CYYR1: variants seen among roughly 807,000 people sequenced by gnomAD.
CYYR1 encodes the protein cysteine and tyrosine-rich protein 1.
CYYR1 carries 14 observed loss-of-function variants against 15.2 expected under a neutral mutation model. The observed-to-expected ratio is 0.92, with a 90% CI of 0.61 to 1.44. The LOEUF (loss-of-function observed/expected upper bound fraction) is 1.44. Among genes scored for constraint, CYYR1 ranks in the 40% most tolerant of loss-of-function variants. CYYR1 has a pLI of 0.00. For missense variants in CYYR1, 228 were observed against 209.5 expected (o/e 1.09, Z -0.54); for synonymous variants, 80 against 77.4 (o/e 1.03, Z -0.18).
At chr21:26,471,125 C>G (rs917067306) in intron 3 of CYYR1, 2 of 152,104 alleles carry the variant, frequency 1.3e-5, no homozygotes, top group East Asian at 3.9e-4. Context: ...ACCCACGCCT[C>G]GACTTCATTA....
At chr21:26,478,808 G>A (rs2123393316) in intron 3 of CYYR1, among the ~76,000 whole-genome samples, 1 of 152,216 alleles carries the variant, frequency 6.6e-6, no homozygotes, top group Non-Finnish European at 1.5e-5. Flanking sequence ...ACTGTGAGAA[G>A]TAGTCAAAAT....
chr21:26,505,574 A>G (rs959987538), intron 2 of CYYR1, among the ~76,000 whole-genome samples: 2 of 152,248 alleles, frequency 1.3e-5, no homozygotes, highest in Non-Finnish European at 2.9e-5. Flanking sequence ...GTACATAACC[A>G]GAGTGCCTGG....
At chr21:26,517,298 T>C (rs1264961345) in intron 2 of CYYR1, among the ~76,000 whole-genome samples, 4 of 152,148 alleles carry the variant, frequency 2.6e-5, no homozygotes, top group African/African-American at 9.7e-5. Flanking sequence ...ATTGTTTACT[T>C]CATATTATTA....
chr21:26,514,302 G>T (rs2065691135), intron 2 of CYYR1, among the ~76,000 whole-genome samples: 1 of 152,128 alleles, frequency 6.6e-6, no homozygotes, highest in Admixed American at 6.5e-5. Context: ...GAGGTGTTTT[G>T]GTTGTGGGGG....
chr21:26,530,850 T>A (rs1162681821), intron 2 of CYYR1, among the ~76,000 whole-genome samples: 1 of 152,194 alleles, frequency 6.6e-6, no homozygotes, highest in East Asian at 1.9e-4. Flanking sequence ...ATTTTCTTTA[T>A]CCAGTCTATC....
At chr21:26,524,416 A>G (rs2065838566) in intron 2 of CYYR1, among the ~76,000 whole-genome samples, 1 of 152,218 alleles carries the variant, frequency 6.6e-6, no homozygotes, top group Non-Finnish European at 1.5e-5. Flanking sequence ...CGCTCCAATC[A>G]AAGTTGATGT....
chr21:26,495,005 T>C (rs117836053), intron 2 of CYYR1, among the ~76,000 whole-genome samples: 2,523 of 152,276 alleles, frequency 0.017, 40 homozygotes, highest in South Asian at 0.04. Context: ...TTCTGTTTCA[T>C]GTACCAGGAC....
At chr21:26,508,317 A>G (rs17002241) in intron 2 of CYYR1, among the ~76,000 whole-genome samples, 3,438 of 152,264 alleles carry the variant, frequency 0.023, 53 homozygotes, top group African/African-American at 0.038. Context: ...ACATTCTTGC[A>G]GAAAGGAGAG....
intron 1 of CYYR1, chr21:26,569,292 A>G (rs1980860449): frequency 6.6e-6 from 1 of 152,214 alleles, no homozygotes; most frequent in Non-Finnish European, 1.5e-5. Flanking sequence ...TTGCAGCAAC[A>G]TGGATGAAAC....
intron 2 of CYYR1, among the ~76,000 whole-genome samples, chr21:26,488,713 T>C (rs1346556400): frequency 6.6e-6 from 1 of 152,200 alleles, no homozygotes; most frequent in East Asian, 1.9e-4. Context: ...CCATTTTCTG[T>C]CTTACCTTCC....
rs918584637 is a variant in CYYR1 at position 26,506,048 on chromosome 21, C to T, written c.177-25619G>A. Reference sequence around the variant, plus strand: ...ATATGCCCATGGAACCATGACCACACCAACATATAGCATGCATCCGTCATC... The same window carrying T: ...ATATGCCCATGGAACCATGACCACATCAACATATAGCATGCATCCGTCATC... On this transcript the variant is annotated intron_variant, in intron 2 of 3. Coordinates refer to ENST00000652641, the MANE Select transcript of CYYR1 (RefSeq NM_001320768.2). Among the ~76,000 whole-genome samples, 3 of 152,078 alleles carry T rather than the reference C, an allele frequency of 2.0e-5. No homozygotes were observed. In the East Asian group the frequency reaches 5.8e-4, roughly 29 times the overall value.
At chr21:26,569,168 G>C (rs1980849540) in intron 1 of CYYR1, 1 of 152,020 alleles carries the variant, frequency 6.6e-6, no homozygotes, top group African/African-American at 2.4e-5. Context: ...AAATAGTAAA[G>C]AGACTGATTC....
intron 2 of CYYR1, among the ~76,000 whole-genome samples, chr21:26,484,015 A>G (rs959412182): frequency 1.3e-5 from 2 of 151,950 alleles, no homozygotes; most frequent in Admixed American, 1.3e-4. Flanking sequence ...GACTGGCCAT[A>G]ATTTCTTACC....
chr21:26,486,612 T>G (rs1487421039), intron 2 of CYYR1, among the ~76,000 whole-genome samples: 1 of 150,134 alleles, frequency 6.7e-6, no homozygotes, highest in Non-Finnish European at 1.5e-5. Context: ...AGGTTCTAAT[T>G]TAGCTAATTT....
intron 2 of CYYR1, among the ~76,000 whole-genome samples, chr21:26,493,556 TACTGG>T (rs927914719): frequency 4.6e-5 from 7 of 152,148 alleles, no homozygotes; most frequent in Admixed American, 6.6e-5. Flanking sequence ...CACCCAAAGC[TACTGG>T]ACACTCCTAA....
chr21:26,479,300 AG>A (rs764033327), intron 3 of CYYR1, among the ~76,000 whole-genome samples: 2 of 151,532 alleles, frequency 1.3e-5, no homozygotes, highest in African/African-American at 2.4e-5. Flanking sequence ...AAGATGATAG[AG>A]GAAAAAAAAA....
intron 2 of CYYR1, among the ~76,000 whole-genome samples, chr21:26,486,542 C>T (rs2123424104): frequency 6.6e-6 from 1 of 152,210 alleles, no homozygotes; most frequent in Middle Eastern, 3.4e-3. Context: ...TCCTCATCCC[C>T]CCATCGCATT....
At chr21:26,513,533 G>A (rs753023783) in intron 2 of CYYR1, among the ~76,000 whole-genome samples, 92 of 152,126 alleles carry the variant, frequency 6.0e-4, no homozygotes, top group Admixed American at 1.8e-3. Flanking sequence ...AAAAAGCAAG[G>A]TTTTTGAAAG....
At chr21:26,550,375 C>T (rs1979300532) in intron 2 of CYYR1, 3 of 152,106 alleles carry the variant, frequency 2.0e-5, no homozygotes, top group Admixed American at 2.0e-4. Context: ...AATAACTCTA[C>T]AATGGCCTCT....
Sources: allele counts gnomAD v4.1 joint callset (sites outside exome capture counted in the v4.1 genomes callset), GRCh38; gene constraint gnomAD v4.1.1; transcripts MANE v1.5; gene names NCBI Gene and HGNC (gene_info 2026-07-23, HGNC 2026-07-21).